The following PAPPA2 variants were observed in gnomAD, a reference collection of about 807,000 sequenced individuals.
PAPPA2 encodes the protein pappalysin-2.
In PAPPA2, 86 loss-of-function variants were observed where a neutral mutation model predicts 176.4. That is an observed-to-expected ratio of 0.49 (90% CI 0.41 to 0.58). PAPPA2 has a LOEUF of 0.58. PAPPA2 is among the 20% of genes least tolerant of loss of function. The pLI is 0.00. For synonymous variants in PAPPA2, 809 were observed against 852.2 expected (o/e 0.95, Z 0.88); for missense variants, 2,073 against 2,256.9 (o/e 0.92, Z 1.65).
chr1:176,560,640 A>G (rs1461505894), intron 2 of PAPPA2, among the ~76,000 whole-genome samples: 1 of 152,196 alleles, frequency 6.6e-6, no homozygotes, highest in Non-Finnish European at 1.5e-5. Context: ...GGCCATTGGA[A>G]CTGAGAACTG....
chr1:176,671,112 C>T lies in PAPPA2; in HGVS notation c.2134C>T (p.Leu712=), dbSNP rs1463233258. 1.2e-6 allele frequency: 2 copies of T among 1,613,660 alleles called. No homozygotes were observed. Among genetic ancestry groups the T allele is most frequent in the Non-Finnish European group, 1.7e-6 (2 of 1,179,772 alleles). The part of the protein sequence containing the change: ...WPWDKDAVTH[L]GGIVLSPAYY... ...TTGGGACAAGGACGCTGTCACTCAC[C>T]TGGGTAAGTGAAATGAAGACCAAAC... is the stretch of plus-strand genomic sequence containing the variant. Residue 712 remains leucine (L), a synonymous_variant, in exon 4 of 23, where the codon CTG becomes TTG. Transcript: ENST00000367662.
At chr1:176,775,057 A>C (rs1381551080) in intron 17 of PAPPA2, among the ~76,000 whole-genome samples, 2 of 152,126 alleles carry the variant, frequency 1.3e-5, no homozygotes, top group African/African-American at 2.4e-5. Context: ...GATGTTGTCC[A>C]GGAAGCCTAC....
intron 1 of PAPPA2, among the ~76,000 whole-genome samples, chr1:176,476,776 T>C (rs894277188): frequency 3.3e-5 from 5 of 152,266 alleles, no homozygotes; most frequent in Non-Finnish European, 7.3e-5. Context: ...GGTTCTTCTT[T>C]AGAGGTTATG....
intron 21 of PAPPA2, among the ~76,000 whole-genome samples, chr1:176,807,812 A>G (rs939596217): frequency 8.5e-5 from 13 of 152,094 alleles, no homozygotes; most frequent in African/African-American, 2.4e-4. Flanking sequence ...GATATTTTCT[A>G]CTAGAAAAAG....
chr1:176,666,542 G>A (rs1658649382), intron 3 of PAPPA2, among the ~76,000 whole-genome samples: 1 of 147,066 alleles, frequency 6.8e-6, no homozygotes, highest in Non-Finnish European at 1.5e-5. Context: ...AATACAAATA[G>A]GTAAGGAAGT....
At chr1:176,603,565 G>A (rs903758396) in intron 3 of PAPPA2, among the ~76,000 whole-genome samples, 3 of 152,162 alleles carry the variant, frequency 2.0e-5, no homozygotes, top group Admixed American at 6.5e-5. Flanking sequence ...TACCCAGAGC[G>A]CTGTCCAATG....
Position 176,510,810 on chromosome 1 carries a change from T to TACACACACACACACACACACAC in PAPPA2, c.-916-44579_-916-44558dup, listed in dbSNP as rs200808228. Among the ~76,000 whole-genome samples the TACACACACACACACACACACAC allele has an allele frequency of 1.4e-3, 176 of 126,550 alleles. 1 individual carries two copies. Among genetic ancestry groups the TACACACACACACACACACACAC allele is most frequent in the Middle Eastern group, 4.0e-3 (1 of 252 alleles). The allele number at this position is 126,550 out of a possible 152,430, so 83.0% of individuals were successfully genotyped here. Reference sequence around the variant, plus strand: ...ATATTTTAAAATTTAAAGCAACACATACACACACACACACACACACACACA... The same window carrying TACACACACACACACACACACAC: ...ATATTTTAAAATTTAAAGCAACACATACACACACACACACACACACACACACACACACACACACACACACACA... On this transcript the variant is annotated intron_variant, in intron 1 of 22. Transcript: ENST00000367662.
At chr1:176,639,019 C>T (rs1656904693) in intron 3 of PAPPA2, among the ~76,000 whole-genome samples, 1 of 150,318 alleles carries the variant, frequency 6.7e-6, no homozygotes, top group South Asian at 2.1e-4. Flanking sequence ...GTCCAAAATA[C>T]TTGGTTAATA....
At chr1:176,550,290 A>G (rs908692741) in intron 1 of PAPPA2, among the ~76,000 whole-genome samples, 1 of 152,270 alleles carries the variant, frequency 6.6e-6, no homozygotes, top group Non-Finnish European at 1.5e-5. Context: ...GAAAGAATGC[A>G]TACAAATGTG....
At chr1:176,615,548 C>T (rs1558473908) in intron 3 of PAPPA2, among the ~76,000 whole-genome samples, 1 of 152,038 alleles carries the variant, frequency 6.6e-6, no homozygotes, top group South Asian at 2.1e-4. Flanking sequence ...AGGGTAGTCT[C>T]GATATCCTGA....
At chr1:176,657,422 A>C (rs1207061662) in intron 3 of PAPPA2, among the ~76,000 whole-genome samples, 3 of 152,008 alleles carry the variant, frequency 2.0e-5, no homozygotes, top group Non-Finnish European at 2.9e-5. Context: ...AGAGTTCCTT[A>C]AAGCAGAGAA....
chr1:176,574,425 A>G (rs965872525), intron 2 of PAPPA2, among the ~76,000 whole-genome samples: 1 of 152,150 alleles, frequency 6.6e-6, no homozygotes, highest in African/African-American at 2.4e-5. Flanking sequence ...TTATCTAGTA[A>G]TTGAGCTAGT....
Position 176,771,113 on chromosome 1 carries a change from A to T in PAPPA2, c.4648A>T (p.Thr1550Ser). Residue 1550 changes from threonine to serine, a missense_variant, in exon 17 of 23, where the codon ACC becomes TCC. By Grantham distance (58) the Thr-to-Ser change is moderately conservative (BLOSUM62 1). This residue lies in a region of PAPPA2 where 846 missense variants were observed against 857.9 expected (regional missense o/e 0.99). Transcript: ENST00000367662. ...CCTCCAGGACAACCACGACGTGGGC[A>T]CCATCTGCAAATATGAATGCAAACC... ...HCLQDNHDVG[T>S]ICKYECKPGY... The T allele has an allele frequency of 6.2e-7, 1 of 1,614,202 alleles. No individual in the cohort carries two copies. The highest frequency in any genetic ancestry group is 1.1e-5 in the South Asian group (1 of 91,080).
At chr1:176,597,886 T>C (rs1654070260) in intron 3 of PAPPA2, among the ~76,000 whole-genome samples, 1 of 152,138 alleles carries the variant, frequency 6.6e-6, no homozygotes, top group Admixed American at 6.5e-5. Context: ...ATCCAGGTAT[T>C]ATTCTCCTCA....
At chr1:176,548,883 G>T (rs1650780652) in intron 1 of PAPPA2, among the ~76,000 whole-genome samples, 1 of 152,132 alleles carries the variant, frequency 6.6e-6, no homozygotes. Flanking sequence ...GACATGAAAA[G>T]TCTGGTTTTT....
At chr1:176,654,366 G>T (rs1329892314) in intron 3 of PAPPA2, among the ~76,000 whole-genome samples, 1 of 151,144 alleles carries the variant, frequency 6.6e-6, no homozygotes. Context: ...GTTGGCTATA[G>T]ATATAAGGTT....
intron 3 of PAPPA2, among the ~76,000 whole-genome samples, chr1:176,645,881 A>G (rs867980945): frequency 6.6e-6 from 1 of 151,628 alleles, no homozygotes. Context: ...GGCCATTTAT[A>G]TAGCTTCTTT....
chr1:176,566,671 TG>T (rs1418874907), intron 2 of PAPPA2, among the ~76,000 whole-genome samples: 1 of 152,200 alleles, frequency 6.6e-6, no homozygotes. Context: ...GAATCACTTT[TG>T]GCAGCCCACA....
chr1:176,537,317 C>T (rs1650119351), intron 1 of PAPPA2: 2 of 152,272 alleles, frequency 1.3e-5, no homozygotes, highest in African/African-American at 4.8e-5. Context: ...CCTCTCAAGG[C>T]AGTGGACAAG....
Sources: allele counts gnomAD v4.1 joint callset (sites outside exome capture counted in the v4.1 genomes callset), GRCh38; gene constraint gnomAD v4.1.1; regional missense constraint gnomAD v4.1.1; transcripts MANE v1.5; gene names NCBI Gene and HGNC (gene_info 2026-07-23, HGNC 2026-07-21).